CNTN4: variants seen among roughly 807,000 people sequenced by gnomAD.
The protein encoded by CNTN4 is contactin-4.
Under a neutral mutation model 122.5 loss-of-function variants are expected in CNTN4, and 77 were observed. That is an observed-to-expected ratio of 0.63 (90% CI 0.52 to 0.76). The LOEUF is 0.76. Ranked by LOEUF, CNTN4 falls within the 30% of genes least tolerant of loss-of-function variation. CNTN4 has a pLI of 0.00. For synonymous variants in CNTN4, 512 were observed against 447.0 expected (o/e 1.15, Z -1.83); for missense variants, 1,256 against 1,259.1 (o/e 1.00, Z 0.04).
At chr3:2,894,043 A>T (rs919036609) in intron 10 of CNTN4, among the ~76,000 whole-genome samples, 2 of 152,258 alleles carry the variant, frequency 1.3e-5, no homozygotes, top group South Asian at 4.1e-4. Flanking sequence ...TGTTAGAAAT[A>T]ATTAACATAA....
Position 3,056,227 on chromosome 3 carries a change from T to G in CNTN4, c.*7T>G. ...AGCTAGGTCCAGTTTATGACAAAAG[T>G]TATCTGAAGGACTTGCTGTTTATAA... On this transcript the variant is annotated 3_prime_UTR_variant, in exon 25 of 25. Transcript: ENST00000418658. 1.2e-6 allele frequency: 2 copies of G among 1,602,116 alleles called. No individual in the cohort carries two copies. Among genetic ancestry groups the G allele is most frequent in the Non-Finnish European group, 1.7e-6 (2 of 1,169,030 alleles).
chr3:2,586,527 G>A (rs928959353), intron 4 of CNTN4, among the ~76,000 whole-genome samples: 4 of 152,078 alleles, frequency 2.6e-5, no homozygotes, highest in African/African-American at 4.8e-5. Flanking sequence ...CCCTGATCTC[G>A]TGATCTGCCC....
In CNTN4 at chr3:3,053,723, C is replaced by T. The variant is rs1454664201; in HGVS notation, c.2812-84C>T. The T allele has an allele frequency of 2.1e-6, 3 of 1,437,638 alleles. No homozygotes were observed. In the African/African-American group the frequency reaches 4.2e-5, roughly 20 times the overall value. The allele number at this position is 1,437,638 out of a possible 1,614,324, so 89.1% of individuals were successfully genotyped here. A position where few individuals can be genotyped will look rare whatever the true frequency, so the allele number is the denominator to read the frequency against. ...TCTACATCCCTGCATTTTGCTCGTG[C>T]CCAGAGGTGAAAACAAATGAATGCT... On this transcript the variant is annotated intron_variant, in intron 23 of 24. Transcript: ENST00000418658.
intron 8 of CNTN4, among the ~76,000 whole-genome samples, chr3:2,876,327 G>A (rs1274406161): frequency 6.6e-6 from 1 of 152,176 alleles, no homozygotes; most frequent in East Asian, 1.9e-4. Context: ...TTTTTCAAAA[G>A]GGCAAAATGG....
chr3:2,100,433 G>A (rs1213511304), intron 1 of CNTN4, 125 bp from the exon 2 acceptor site: 3 of 151,198 alleles, frequency 2.0e-5, no homozygotes, highest in Non-Finnish European at 4.4e-5. Flanking sequence ...TCTGGTTTAT[G>A]TCCTTTAGAG....
At chr3:2,414,070 C>G (rs2047324905) in intron 3 of CNTN4, among the ~76,000 whole-genome samples, 1 of 152,128 alleles carries the variant, frequency 6.6e-6, no homozygotes, top group Non-Finnish European at 1.5e-5. Flanking sequence ...GACAGTGCCT[C>G]CAGCATACGA....
chr3:2,314,080 CAA>C (rs902033041), intron 2 of CNTN4, among the ~76,000 whole-genome samples: 3 of 151,798 alleles, frequency 2.0e-5, no homozygotes, highest in Non-Finnish European at 2.9e-5. Context: ...CAAAAACAAA[CAA>C]GAGTGTACAA....
At chr3:2,820,965 T>TTC (rs1453347328) in intron 7 of CNTN4, among the ~76,000 whole-genome samples, 1 of 142,462 alleles carries the variant, frequency 7.0e-6, no homozygotes, top group East Asian at 2.0e-4. Flanking sequence ...CTCTTTCTTT[T>TTC]TTTTTTTTTT....
intron 2 of CNTN4, among the ~76,000 whole-genome samples, chr3:2,312,437 G>T (rs1450831362): frequency 1.3e-5 from 2 of 151,878 alleles, no homozygotes; most frequent in African/African-American, 2.4e-5. Flanking sequence ...GTTAATATTG[G>T]ACTATCACTA....
intron 2 of CNTN4, among the ~76,000 whole-genome samples, chr3:2,115,695 G>A (rs13327375): frequency 0.11 from 16,673 of 152,256 alleles, 1,071 homozygotes; most frequent in Non-Finnish European, 0.14. Flanking sequence ...AAGTTGTGGT[G>A]TATAGCTTTA....
chr3:2,820,313 A>G (rs2150253372), intron 7 of CNTN4, among the ~76,000 whole-genome samples: 1 of 152,356 alleles, frequency 6.6e-6, no homozygotes, highest in South Asian at 2.1e-4. Flanking sequence ...ATTATAAAAG[A>G]TATTATAAAG....
chr3:2,149,312 A>T (rs1433245655), intron 2 of CNTN4, among the ~76,000 whole-genome samples: 1 of 152,080 alleles, frequency 6.6e-6, no homozygotes, highest in Admixed American at 6.6e-5. Flanking sequence ...ACACACTTCC[A>T]TTTGTCTGTT....
At chr3:2,729,389 C>CA (rs1428347200) in intron 4 of CNTN4, among the ~76,000 whole-genome samples, 2 of 148,772 alleles carry the variant, frequency 1.3e-5, no homozygotes, top group South Asian at 2.1e-4. Context: ...ACAAAATTAA[C>CA]AAAAAATTAG....
chr3:2,879,458 C>T (rs564848780), intron 8 of CNTN4, among the ~76,000 whole-genome samples: 9 of 152,168 alleles, frequency 5.9e-5, no homozygotes, highest in African/African-American at 1.9e-4. Context: ...ATACAACCAG[C>T]GAATGGAGAA....
At chr3:2,338,223 A>C (rs2044037092) in intron 2 of CNTN4, among the ~76,000 whole-genome samples, 1 of 152,046 alleles carries the variant, frequency 6.6e-6, no homozygotes, top group Admixed American at 6.6e-5. Context: ...TCTGGTTGTT[A>C]TCGATATTAT....
chr3:2,472,403 C>A (rs539258202), intron 3 of CNTN4, among the ~76,000 whole-genome samples: 1 of 152,160 alleles, frequency 6.6e-6, no homozygotes, highest in South Asian at 2.1e-4. Flanking sequence ...CTGCACCCAG[C>A]TAAGTTTTGT....
chr3:2,591,316 T>C (rs968542036), intron 4 of CNTN4, among the ~76,000 whole-genome samples: 3 of 151,992 alleles, frequency 2.0e-5, no homozygotes, highest in South Asian at 2.1e-4. Flanking sequence ...ATACTTTTGA[T>C]GTAGTCTGCC....
intron 3 of CNTN4, among the ~76,000 whole-genome samples, chr3:2,394,777 T>C (rs1043130917): frequency 4.8e-5 from 7 of 146,784 alleles, no homozygotes; most frequent in Non-Finnish European, 7.5e-5. Context: ...CAACAAACCT[T>C]ATATTAGTTT....
intron 2 of CNTN4, among the ~76,000 whole-genome samples, chr3:2,298,135 A>T (rs2042380363): frequency 6.6e-6 from 1 of 152,224 alleles, no homozygotes; most frequent in Non-Finnish European, 1.5e-5. Flanking sequence ...TTGATAAATG[A>T]AGGCATTTAA....
Sources: allele counts gnomAD v4.1 joint callset (sites outside exome capture counted in the v4.1 genomes callset), GRCh38; gene constraint gnomAD v4.1.1; transcripts MANE v1.5; gene names NCBI Gene and HGNC (gene_info 2026-07-23, HGNC 2026-07-21).